TSEN2: variants seen among roughly 807,000 people sequenced by gnomAD.
TSEN2 encodes the protein tRNA-splicing endonuclease subunit Sen2.
TSEN2 carries 54 observed loss-of-function variants against 59.2 expected under a neutral mutation model. The observed-to-expected ratio is 0.91, with a 90% CI of 0.73 to 1.14. The LOEUF (loss-of-function observed/expected upper bound fraction) is 1.14. Among genes scored for constraint, TSEN2 ranks in the 50% most tolerant of loss-of-function variants. The pLI, the probability that TSEN2 is intolerant of heterozygous loss-of-function variation, is 0.00. For synonymous variants in TSEN2, 195 were observed against 198.2 expected, an observed-to-expected ratio of 0.98 and a Z score of 0.14; for missense variants, 636 against 576.2, an observed-to-expected ratio of 1.10 and a Z score of -1.06.
intron 11 of TSEN2, 87 bp downstream of exon 11, chr3:12,531,746 G>A (rs1373824551): frequency 1.1e-6 from 1 of 932,356 alleles, no homozygotes; most frequent in African/African-American, 1.6e-5. Flanking sequence ...GAAAATACAT[G>A]AATACAGTTT....
intron 6 of TSEN2, among the ~76,000 whole-genome samples, chr3:12,515,822 T>G (rs2056010109): frequency 6.6e-6 from 1 of 152,098 alleles, no homozygotes; most frequent in East Asian, 1.9e-4. Flanking sequence ...ACTGGGAAAC[T>G]AGTATTTTGT....
chr3:12,511,568 G>GC (rs1405670584), intron 6 of TSEN2, among the ~76,000 whole-genome samples: 1 of 105,358 alleles, frequency 9.5e-6, no homozygotes, highest in African/African-American at 4.8e-5. Context: ...GGATAATTAT[G>GC]CTTTTTTTTT....
chr3:12,500,256 C>T (rs963785116), intron 4 of TSEN2, among the ~76,000 whole-genome samples: 2 of 152,198 alleles, frequency 1.3e-5, no homozygotes, highest in Admixed American at 6.5e-5. Context: ...AGCTAGAGGA[C>T]GCCTTCAGCT....
chr3:12,503,635 C>T lies in TSEN2; in HGVS notation c.682C>T (p.Leu228Phe), dbSNP rs770808119. Residue 228 changes from leucine to phenylalanine, a missense_variant, in exon 5 of 12, where the codon CTC (leucine) becomes TTC (phenylalanine). By Grantham distance (22) the Leu-to-Phe change is conservative (BLOSUM62 0). Coordinates refer to ENST00000284995, the MANE Select transcript of TSEN2 (RefSeq NM_025265.4). ...TGTCTGTTGCTGCAAACAAGATGCT[C>T]TCATCCTCCAGCGTGGCCTTCATCA... ...PHVCCCKQDA[L>F]ILQRGLHHED... The T allele has an allele frequency of 1.3e-6, 2 of 1,597,798 alleles. No homozygotes were observed. Among genetic ancestry groups the T allele is most frequent in the African/African-American group, 2.7e-5 (2 of 74,638 alleles).
In TSEN2 at chr3:12,529,834, C is replaced by A; in HGVS notation, c.1209C>A (p.Ser403=). The change falls in exon 10 of 12, where the codon TCC becomes TCA. Residue 403 remains serine, a synonymous_variant. Coordinates refer to ENST00000284995, the MANE Select transcript of TSEN2 (RefSeq NM_025265.4). ...GSLRRPLSWK[S]LAALSRVSVN... Reference sequence around the variant, plus strand: ...TCCGCAGGCCTCTCAGTTGGAAGTCCCTGGCTGCCTTGAGCAGAGTTTCCG... The same window carrying A: ...TCCGCAGGCCTCTCAGTTGGAAGTCACTGGCTGCCTTGAGCAGAGTTTCCG... 3 of 1,614,108 alleles carry A rather than the reference C, an allele frequency of 1.9e-6. No homozygotes were observed. The highest frequency in any genetic ancestry group is 2.5e-6 in the Non-Finnish European group (3 of 1,180,022).
intron 7 of TSEN2, among the ~76,000 whole-genome samples, chr3:12,516,916 T>G (rs2056183376): frequency 6.6e-6 from 1 of 152,170 alleles, no homozygotes; most frequent in Non-Finnish European, 1.5e-5. Context: ...GGATAATGAT[T>G]AGGAAATCTG....
At chr3:12,505,648 A>G (rs2648312) in intron 6 of TSEN2, 118,762 of 193,294 alleles carry the variant, frequency 0.61, 40,147 homozygotes, top group African/African-American at 0.91. Flanking sequence ...AATTAGAGTG[A>G]TTGCTCATGC....
chr3:12,508,169 G>A lies in TSEN2; in HGVS notation c.909+2938G>A, dbSNP rs146979180. On this transcript the variant is annotated intron_variant, in intron 6 of 11. Transcript: ENST00000284995. ...GAAGGGTATTCCGTGTCAGATGCTGGGAGTTCAGCTGCACTGTTCCAGTTG... is the reference window on the plus strand; with the variant it reads ...GAAGGGTATTCCGTGTCAGATGCTGAGAGTTCAGCTGCACTGTTCCAGTTG... Among the ~76,000 whole-genome samples, 5 of 152,272 alleles carry A rather than the reference G, an allele frequency of 3.3e-5. No individual in the cohort carries two copies. The East Asian group carries it at 7.7e-4, about 24-fold the overall frequency.
At chr3:12,502,338 G>T (rs1425265581) in intron 4 of TSEN2, among the ~76,000 whole-genome samples, 1 of 152,036 alleles carries the variant, frequency 6.6e-6, no homozygotes, top group Non-Finnish European at 1.5e-5. Context: ...TTGAGGTCAG[G>T]AGTTCAAGAC....
In TSEN2 at chr3:12,519,197, C is replaced by T. The variant is rs767804914; in HGVS notation, c.1099C>T (p.Leu367=). The T allele has an allele frequency of 5.0e-6, 8 of 1,614,150 alleles. No individual in the cohort carries two copies. Among genetic ancestry groups the T allele is most frequent in the East Asian group, 4.5e-5 (2 of 44,882 alleles). The change falls in exon 8 of 12, where the codon CTG becomes TTG. Residue 367 remains leucine (L), a splice_region_variant and synonymous_variant. Coordinates refer to ENST00000284995, the MANE Select transcript of TSEN2 (RefSeq NM_025265.4). ...GGGACTCAAGTACGGGACAGATTTA[C>T]GTAAGTAATTCTTGGCGTGGTGTGT... ...KVGLKYGTDL[L]LYRKGPPFYH...
chr3:12,523,921 T>C (rs1244406873), intron 8 of TSEN2, among the ~76,000 whole-genome samples: 1 of 152,234 alleles, frequency 6.6e-6, no homozygotes, highest in African/African-American at 2.4e-5. Flanking sequence ...TCTTCACGTT[T>C]ACGTACATAA....
chr3:12,481,058 G>A (rs114894320), upstream of TSEN2, among the ~76,000 whole-genome samples: 49 of 152,304 alleles, frequency 3.2e-4, no homozygotes, highest in African/African-American at 1.1e-3. Context: ...CTGGCACATA[G>A]TAAGTGCCCA....
At chr3:12,481,165 T>A (rs187402515), upstream of TSEN2, among the ~76,000 whole-genome samples, 55 of 152,360 alleles carry the variant, frequency 3.6e-4, no homozygotes, top group Admixed American at 1.6e-3. Context: ...CAAATATTAC[T>A]TGGAGGTTCT....
Position 12,532,988 on chromosome 3 carries a change from C to T in TSEN2, c.*267C>T, listed in dbSNP as rs2057558088. Reference sequence around the variant, plus strand: ...TCTGGCGTCAGTCTTTTCCCTCATCCACTCACTGGGGAGATTGGACTAGAG... The same window carrying T: ...TCTGGCGTCAGTCTTTTCCCTCATCTACTCACTGGGGAGATTGGACTAGAG... On this transcript the variant is annotated 3_prime_UTR_variant, in exon 12 of 12. Transcript: ENST00000284995. The T allele has an allele frequency of 1.9e-6, 1 of 540,084 alleles. No homozygotes were observed. Among genetic ancestry groups the T allele is most frequent in the Non-Finnish European group, 3.3e-6 (1 of 302,500 alleles). 33.5% of individuals were successfully genotyped at this position (540,084 alleles called of 1,614,324 possible).
At chr3:12,528,036 C>T (rs958565684) in intron 8 of TSEN2, among the ~76,000 whole-genome samples, 2 of 152,174 alleles carry the variant, frequency 1.3e-5, no homozygotes, top group Non-Finnish European at 2.9e-5. Flanking sequence ...TCTTCAGGTC[C>T]TCAGTAATGG....
At chr3:12,524,739 C>CTTTTTTT (rs746602626) in intron 8 of TSEN2, among the ~76,000 whole-genome samples, 5 of 131,770 alleles carry the variant, frequency 3.8e-5, no homozygotes, top group Non-Finnish European at 4.7e-5. Flanking sequence ...TCTTTGGTCT[C>CTTTTTTT]TTTTTTTTTT....
chr3:12,533,740 A>G (rs2057599574), downstream of TSEN2: 1 of 151,320 alleles, frequency 6.6e-6, no homozygotes, highest in South Asian at 2.1e-4. Context: ...GTGGTAGAAT[A>G]CTTAGGCTAA....
At chr3:12,526,577 C>G (rs2057100779) in intron 8 of TSEN2, among the ~76,000 whole-genome samples, 1 of 152,188 alleles carries the variant, frequency 6.6e-6, no homozygotes, top group South Asian at 2.1e-4. Flanking sequence ...TGCCTAAGGA[C>G]TCATATCTTA....
chr3:12,509,143 C>T (rs1323970792), intron 6 of TSEN2, among the ~76,000 whole-genome samples: 2 of 151,260 alleles, frequency 1.3e-5, no homozygotes, highest in East Asian at 1.9e-4. Flanking sequence ...AAAGCAGTTG[C>T]ATAATGCTGT....
Sources: allele counts gnomAD v4.1 joint callset (sites outside exome capture counted in the v4.1 genomes callset), GRCh38; gene constraint gnomAD v4.1.1; transcripts MANE v1.5; gene names NCBI Gene and HGNC (gene_info 2026-07-23, HGNC 2026-07-21).